Variants in GGT1 observed in about 807,000 individuals in gnomAD.
GGT1 encodes the protein glutathione hydrolase 1 proenzyme.
In GGT1, 21 loss-of-function variants were observed where a neutral mutation model predicts 56.0. That is an observed-to-expected ratio of 0.38 (90% CI 0.27 to 0.54). GGT1 has a LOEUF of 0.54. Ranked by LOEUF, GGT1 falls within the 20% of genes least tolerant of loss-of-function variation. GGT1 has a pLI of 0.82. For synonymous variants in GGT1, 238 were observed against 342.6 expected, an observed-to-expected ratio of 0.69 and a Z score of 3.37; for missense variants, 466 against 787.0, an observed-to-expected ratio of 0.59 and a Z score of 4.88.
intron 7 of GGT1, among the ~76,000 whole-genome samples, chr22:24,617,619 C>G (rs1601720530): frequency 1.3e-5 from 2 of 151,852 alleles, no homozygotes; most frequent in South Asian, 4.2e-4. Flanking sequence ...TTGTCTGTAC[C>G]TGGAAGGATG....
chr22:24,584,056 T>G, the GGT1 span, among the ~76,000 whole-genome samples: 578 of 152,342 alleles, frequency 3.8e-3, 1 homozygote, highest in Non-Finnish European at 5.7e-3. Flanking sequence ...AAGCTTTCAC[T>G]TTCTCATAAT....
intron 9 of GGT1, among the ~76,000 whole-genome samples, chr22:24,621,387 T>A (rs576160099): frequency 6.6e-6 from 1 of 151,998 alleles, no homozygotes; most frequent in East Asian, 1.9e-4. Context: ...TGCAGATAAC[T>A]TTGTTAGGCA....
chr22:24,598,929 A>T (rs9612663), upstream of GGT1, among the ~76,000 whole-genome samples: 1,823 of 151,934 alleles, frequency 0.012, 20 homozygotes, highest in Middle Eastern at 0.035. Context: ...GGCCTTTTTT[A>T]AAAAAATTAA....
At chr22:24,592,838 A>AT, upstream of GGT1, 1 of 1,273,716 alleles carries the variant, frequency 7.9e-7, no homozygotes. Context: ...CCGCCAGCCC[A>AT]GGGGCGGACG....
chr22:24,612,084 G>A (rs1312872340), intron 5 of GGT1, among the ~76,000 whole-genome samples: 1 of 151,972 alleles, frequency 6.6e-6, no homozygotes, highest in African/African-American at 2.4e-5. Context: ...GGATTAAGGT[G>A]TGAGCCACTG....
chr22:24,591,166 G>A (rs1177983276), upstream of GGT1, among the ~76,000 whole-genome samples: 1 of 152,234 alleles, frequency 6.6e-6, no homozygotes, highest in East Asian at 1.9e-4. Context: ...CGCAACCTCC[G>A]CCTCCCGGGT....
At chr22:24,595,943 C>T (rs1601607402) in intron 1 of GGT1, among the ~76,000 whole-genome samples, 9 of 152,332 alleles carry the variant, frequency 5.9e-5, no homozygotes. Context: ...CACTGAGCCT[C>T]CTGGTAGCCA....
In GGT1 at chr22:24,628,042, C is replaced by T; in HGVS notation, c.1337-39C>T. ...GAGAGGGGCGGGTGTCCTGGGCAGG[C>T]AGCTGACGGGCATCCCTGTCTTCTC... On this transcript the variant is annotated intron_variant, in intron 13 of 15. Coordinates refer to ENST00000400382, the MANE Select transcript of GGT1 (RefSeq NM_001288833.2). The surrounding 1 kb of genome is among the most constrained non-coding windows in gnomAD (Gnocchi z 5.7). The T allele has an allele frequency of 6.2e-7, 1 of 1,611,276 alleles. No homozygotes were observed. Among genetic ancestry groups the T allele is most frequent in the Non-Finnish European group, 8.5e-7 (1 of 1,179,648 alleles).
the GGT1 span, among the ~76,000 whole-genome samples, chr22:24,587,212 G>A: frequency 5.6e-3 from 857 of 152,328 alleles, 3 homozygotes; most frequent in Middle Eastern, 0.01. Context: ...CAGGGCACCG[G>A]GGATAGAGAG....
chr22:24,591,550 G>A (rs138289868), upstream of GGT1, among the ~76,000 whole-genome samples: 289 of 152,336 alleles, frequency 1.9e-3, 1 homozygote, highest in Admixed American at 2.9e-3. Flanking sequence ...CAGCTGCAGG[G>A]TCCCTGCAGG....
intron 2 of GGT1, among the ~76,000 whole-genome samples, chr22:24,608,504 G>T (rs1051142312): frequency 1.3e-5 from 2 of 152,246 alleles, no homozygotes; most frequent in Non-Finnish European, 1.5e-5. Flanking sequence ...GGAGAGATGA[G>T]GCCATGCCCT....
At position 24,628,219 on chromosome 22, in the gene GGT1, G is replaced by A; in HGVS notation, c.1449+26G>A. On this transcript the variant is annotated intron_variant, in intron 14 of 15. Transcript: ENST00000400382. The surrounding 1 kb of genome is among the most constrained non-coding windows in gnomAD (Gnocchi z 5.7). ...GTATGTGTCACACCTTTTCTCCCTG[G>A]CCGTGCCCACCCTGCACAGCCCCCA... 2 of 1,611,944 alleles carry A rather than the reference G, an allele frequency of 1.2e-6. No individual in the cohort carries two copies. The highest frequency in any genetic ancestry group is 1.7e-6 in the Non-Finnish European group (2 of 1,179,844).
In GGT1 at chr22:24,620,159, T is replaced by C. The variant is rs1285869604; in HGVS notation, c.383-169T>C. Among the ~76,000 whole-genome samples, 2 of 151,858 alleles carry C rather than the reference T, an allele frequency of 1.3e-5. No individual in the cohort carries two copies. Among genetic ancestry groups the C allele is most frequent in the Admixed American group, 1.3e-4 (2 of 15,222 alleles). ...TGAATCCAGGAGTTCGAGATCGGGC[T>C]GGGCAAGATGGCAAGACCCCAACTC... is the stretch of plus-strand genomic sequence containing the variant. On this transcript the variant is annotated intron_variant, in intron 7 of 15. Transcript: ENST00000400382. This position sits in a 1 kb window ranked among gnomAD's most constrained non-coding sequence, Gnocchi z 5.6.
At chr22:24,614,645 T>C in intron 5 of GGT1, 131 bp from the exon 6 acceptor site, 5 of 713,240 alleles carry the variant, frequency 7.0e-6, no homozygotes, top group Non-Finnish European at 1.2e-5. Context: ...AGAAAGAAAC[T>C]AAAAACAAAA....
upstream of GGT1, among the ~76,000 whole-genome samples, chr22:24,591,582 G>A (rs147290966): frequency 1.9e-3 from 295 of 152,310 alleles, 2 homozygotes; most frequent in African/African-American, 6.7e-3. Context: ...GATAGGCCCC[G>A]GCTGGACCTC....
intron 1 of GGT1, among the ~76,000 whole-genome samples, chr22:24,607,258 G>A (rs1470853295): frequency 1.3e-5 from 2 of 151,890 alleles, no homozygotes; most frequent in African/African-American, 2.4e-5. Context: ...CACACCTTTA[G>A]CATTGACAGC....
chr22:24,606,285 C>T (rs1262190878), intron 1 of GGT1, among the ~76,000 whole-genome samples: 2 of 150,990 alleles, frequency 1.3e-5, no homozygotes, highest in African/African-American at 4.9e-5. Context: ...TATCCCTCCC[C>T]GTTCCCCTCA....
In GGT1 at chr22:24,614,781, C is replaced by T; in HGVS notation, c.170C>T (p.Ala57Val). The T allele has an allele frequency of 1.2e-6, 2 of 1,613,598 alleles. No individual in the cohort carries two copies. The highest frequency in any genetic ancestry group is 8.5e-7 in the Non-Finnish European group (1 of 1,179,754). ...CTTTATGTGCCACATGGCAGGGATGCACTGCGGGACGGTGGCTCTGCGGTG... is the reference window on the plus strand; with the variant it reads ...CTTTATGTGCCACATGGCAGGGATGTACTGCGGGACGGTGGCTCTGCGGTG... Reference protein sequence around the residue: ...AKQCSKIGRDALRDGGSAVDA... With the variant: ...AKQCSKIGRDVLRDGGSAVDA... Residue 57 changes from alanine to valine, a missense_variant, in exon 6 of 16, where the codon GCA (alanine) becomes GTA (valine). Around this residue, in one of 2 missense-constraint regions of GGT1, gnomAD observed 456 missense variants for 716.7 expected, o/e 0.64. Transcript: ENST00000400382.
intron 5 of GGT1, among the ~76,000 whole-genome samples, chr22:24,613,763 G>A (rs5760498): frequency 0.39 from 54,922 of 140,372 alleles, 10,620 homozygotes; most frequent in African/African-American, 0.55. Context: ...AAAAAAAAAA[G>A]AAAGAAAAGA....
Sources: gnomAD v4.1 joint callset for allele counts (sites outside exome capture counted in the v4.1 genomes callset) on GRCh38, gnomAD v4.1.1 for gene constraint, gnomAD v4.1.1 regional missense constraint, Gnocchi (gnomAD v3.1) non-coding constraint, MANE v1.5 for transcripts, NCBI Gene and HGNC (gene_info 2026-07-23, HGNC 2026-07-21) for gene names.